Variants in RCAN2 observed in about 807,000 individuals in gnomAD.
RCAN2 encodes the protein regulator of calcineurin 2.
Under a neutral mutation model 23.6 loss-of-function variants are expected in RCAN2, and 9 were observed. The ratio of observed to expected loss-of-function variants is 0.38; its 90% confidence interval spans 0.23 to 0.67. RCAN2 has a LOEUF of 0.67. Among genes scored for constraint, RCAN2 ranks in the 30% least tolerant of loss-of-function variants. The pLI is 0.51. For synonymous variants in RCAN2, 109 were observed against 115.7 expected, an observed-to-expected ratio of 0.94 and a Z score of 0.37; for missense variants, 273 against 302.3, an observed-to-expected ratio of 0.90 and a Z score of 0.72.
chr6:46,316,610 C>T (rs1763446656), intron 2 of RCAN2, among the ~76,000 whole-genome samples: 1 of 152,192 alleles, frequency 6.6e-6, no homozygotes, highest in Admixed American at 6.5e-5. Flanking sequence ...TTATACATCC[C>T]TATATCTGCA....
chr6:46,248,944 C>G, intron 2 of RCAN2, 48 bp from the exon 3 acceptor site: 1 of 1,380,170 alleles, frequency 7.2e-7, no homozygotes, highest in Non-Finnish European at 1.0e-6. Context: ...TGGCATGGAT[C>G]TCGTATGATG....
chr6:46,226,636 G>T (rs1347468317), intron 4 of RCAN2, among the ~76,000 whole-genome samples: 1 of 152,188 alleles, frequency 6.6e-6, no homozygotes, highest in Non-Finnish European at 1.5e-5. Context: ...CATTGATTTT[G>T]TATCCTGAGA....
chr6:46,257,309 C>T (rs1766951681), intron 2 of RCAN2, among the ~76,000 whole-genome samples: 1 of 152,154 alleles, frequency 6.6e-6, no homozygotes, highest in African/African-American at 2.4e-5. Flanking sequence ...AAAATATTAT[C>T]TCACTGAATC....
chr6:46,406,106 G>C (rs999495952), intron 2 of RCAN2, among the ~76,000 whole-genome samples: 3 of 152,024 alleles, frequency 2.0e-5, no homozygotes, highest in Non-Finnish European at 4.4e-5. Flanking sequence ...CAGCTGGCCC[G>C]CAAGCGCTGC....
chr6:46,467,620 T>C (rs533975745), intron 1 of RCAN2, among the ~76,000 whole-genome samples: 4 of 152,252 alleles, frequency 2.6e-5, no homozygotes, highest in Non-Finnish European at 5.9e-5. Flanking sequence ...GTCTTGAATT[T>C]TGGCACTGCC....
intron 2 of RCAN2, among the ~76,000 whole-genome samples, chr6:46,349,243 T>A (rs1764576919): frequency 6.6e-6 from 1 of 152,140 alleles, no homozygotes; most frequent in South Asian, 2.1e-4. Context: ...TTCTGGGTCC[T>A]GAAGCAATTT....
intron 2 of RCAN2, among the ~76,000 whole-genome samples, chr6:46,420,550 T>A (rs1033428175): frequency 1.3e-5 from 2 of 151,318 alleles, no homozygotes; most frequent in Admixed American, 6.6e-5. Flanking sequence ...TTAACTTTTT[T>A]TTTTTTTTTT....
Position 46,328,758 on chromosome 6 carries a change from G to A in RCAN2, c.226-79862C>T, listed in dbSNP as rs376966057. 1.8e-4 allele frequency among the ~76,000 whole-genome samples: 28 copies of A among 152,200 alleles called. No homozygotes were observed. In the East Asian group the frequency reaches 2.9e-3, roughly 16 times the overall value. The stretch of plus-strand genomic sequence containing the variant: ...CCCTAGTAGCTGGGACTACAGGCAC[G>A]GGCCACCACGCCCAGCTAATTTTTG... On this transcript the variant is annotated intron_variant, in intron 2 of 4. Coordinates refer to ENST00000371374, the MANE Select transcript of RCAN2 (RefSeq NM_001251974.2).
intron 2 of RCAN2, among the ~76,000 whole-genome samples, chr6:46,380,192 C>T (rs926369014): frequency 1.3e-5 from 2 of 152,048 alleles, no homozygotes; most frequent in African/African-American, 4.8e-5. Context: ...TAAAACACAC[C>T]CCCCTCAGAA....
chr6:46,339,430 G>A (rs1764236365), intron 2 of RCAN2, among the ~76,000 whole-genome samples: 1 of 151,928 alleles, frequency 6.6e-6, no homozygotes, highest in African/African-American at 2.4e-5. Flanking sequence ...GCCAAGCAGA[G>A]AGTGACTTTT....
At chr6:46,400,897 C>T (rs1274544596) in intron 2 of RCAN2, among the ~76,000 whole-genome samples, 1 of 152,160 alleles carries the variant, frequency 6.6e-6, no homozygotes, top group Admixed American at 6.5e-5. Context: ...CACAGACCAC[C>T]CAAATGAGAA....
chr6:46,445,802 G>A (rs188756248), intron 2 of RCAN2, among the ~76,000 whole-genome samples: 89 of 151,268 alleles, frequency 5.9e-4, no homozygotes, highest in African/African-American at 1.9e-3. Context: ...TGTCAACAGC[G>A]AACTGGTGAA....
chr6:46,484,842 C>T (rs1327339586), intron 1 of RCAN2, among the ~76,000 whole-genome samples: 1 of 152,270 alleles, frequency 6.6e-6, no homozygotes, highest in African/African-American at 2.4e-5. Flanking sequence ...TTCCTTGAAC[C>T]AATTGTTAGG....
intron 2 of RCAN2, among the ~76,000 whole-genome samples, chr6:46,380,291 T>G (rs1334501628): frequency 6.6e-6 from 1 of 152,188 alleles, no homozygotes; most frequent in Non-Finnish European, 1.5e-5. Context: ...AGACTATAAA[T>G]AGTCTCACCT....
At chr6:46,257,997 G>C (rs1041708089) in intron 2 of RCAN2, among the ~76,000 whole-genome samples, 2 of 152,154 alleles carry the variant, frequency 1.3e-5, no homozygotes, top group African/African-American at 4.8e-5. Context: ...ACTTTTGTCA[G>C]CTTTCCAAAT....
intron 2 of RCAN2, among the ~76,000 whole-genome samples, chr6:46,372,322 G>T (rs930042320): frequency 3.9e-5 from 6 of 152,134 alleles, no homozygotes; most frequent in African/African-American, 7.2e-5. Context: ...TTTAATTTAA[G>T]CATTGCAATA....
intron 2 of RCAN2, among the ~76,000 whole-genome samples, chr6:46,390,831 G>C (rs1240498670): frequency 1.3e-5 from 2 of 152,178 alleles, no homozygotes; most frequent in Non-Finnish European, 2.9e-5. Flanking sequence ...CTTTCTGTCT[G>C]CCTCCTGATA....
chr6:46,386,300 A>T (rs1312899190), intron 2 of RCAN2, among the ~76,000 whole-genome samples: 1 of 152,078 alleles, frequency 6.6e-6, no homozygotes, highest in Non-Finnish European at 1.5e-5. Flanking sequence ...GAGAAATGCA[A>T]ATCAAAACCA....
At chr6:46,277,124 CA>C (rs1253739830) in intron 2 of RCAN2, among the ~76,000 whole-genome samples, 1 of 152,182 alleles carries the variant, frequency 6.6e-6, no homozygotes, top group Non-Finnish European at 1.5e-5. Flanking sequence ...AAAGAAACAG[CA>C]AAACTGTCCC....
Sources: gnomAD v4.1 joint callset for allele counts (sites outside exome capture counted in the v4.1 genomes callset) on GRCh38, gnomAD v4.1.1 for gene constraint, MANE v1.5 for transcripts, NCBI Gene and HGNC (gene_info 2026-07-23, HGNC 2026-07-21) for gene names.